Variants in SULF1 observed in about 807,000 individuals in gnomAD.
SULF1 encodes sulfatase 1.
In SULF1, 46 loss-of-function variants were observed where a neutral mutation model predicts 110.5. That is an observed-to-expected ratio of 0.42 (90% CI 0.33 to 0.53). The LOEUF (loss-of-function observed/expected upper bound fraction) is 0.53. Ranked by LOEUF, SULF1 falls within the 20% of genes least tolerant of loss-of-function variation. The probability of loss-of-function intolerance (pLI) is 0.12; values close to 1 mark genes in which losing one functional copy is unlikely to be tolerated. For synonymous variants in SULF1, 371 were observed against 387.1 expected, an observed-to-expected ratio of 0.96 and a Z score of 0.49; for missense variants, 941 against 1,094.2, an observed-to-expected ratio of 0.86 and a Z score of 1.98.
chr8:69,474,465 C>T (rs1415012099), intron 1 of SULF1, among the ~76,000 whole-genome samples: 5 of 152,124 alleles, frequency 3.3e-5, no homozygotes, highest in Admixed American at 6.6e-5. Context: ...TGTGCTTTAC[C>T]GTGCATCCAG....
At chr8:69,569,335 A>G (rs1367971942) in intron 5 of SULF1, among the ~76,000 whole-genome samples, 1 of 152,218 alleles carries the variant, frequency 6.6e-6, no homozygotes, top group Non-Finnish European at 1.5e-5. Context: ...AATTAAGCCA[A>G]TATTTTAAAA....
intron 14 of SULF1, among the ~76,000 whole-genome samples, chr8:69,622,749 G>A (rs574514901): frequency 1.3e-5 from 2 of 152,264 alleles, no homozygotes; most frequent in East Asian, 3.9e-4. Context: ...TTCAGTATTA[G>A]GCACAAACAC....
intron 15 of SULF1, among the ~76,000 whole-genome samples, chr8:69,624,714 A>G (rs1809864026): frequency 6.6e-6 from 1 of 152,224 alleles, no homozygotes; most frequent in South Asian, 2.1e-4. Flanking sequence ...TTACAAATGG[A>G]TGTAAGACAT....
At chr8:69,541,312 C>T (rs1813839810) in intron 3 of SULF1, among the ~76,000 whole-genome samples, 1 of 152,198 alleles carries the variant, frequency 6.6e-6, no homozygotes, top group South Asian at 2.1e-4. Context: ...GCAAAGGCAA[C>T]ATGGCACTTC....
chr8:69,552,975 C>T (rs774272574), intron 3 of SULF1, among the ~76,000 whole-genome samples: 3 of 152,200 alleles, frequency 2.0e-5, no homozygotes, highest in African/African-American at 7.2e-5. Context: ...CCCTTGTTAC[C>T]TACACAGGGA....
Position 69,467,610 on chromosome 8 carries a change from C to T in SULF1, c.-391+660C>T, listed in dbSNP as rs552682343. 1.2e-3 allele frequency among the ~76,000 whole-genome samples: 182 copies of T among 152,322 alleles called. 1 individual carries two copies. Among genetic ancestry groups the T allele is most frequent in the African/African-American group, 4.2e-3 (176 of 41,576 alleles). ...GCTCTTTAACATAGCCCTCTTGCAG[C>T]TGCAGGGAAAGCAGATGGAGGTAAT... is the stretch of plus-strand genomic sequence containing the variant. On this transcript the variant is annotated intron_variant, in intron 1 of 22. Transcript: ENST00000260128.
intron 22 of SULF1, among the ~76,000 whole-genome samples, chr8:69,643,045 A>C (rs1266867042): frequency 2.6e-5 from 4 of 152,208 alleles, no homozygotes; most frequent in Non-Finnish European, 5.9e-5. Flanking sequence ...AGCAGATCTA[A>C]GGATACTGTG....
rs1812991739 is a variant in SULF1 at position 69,530,241 on chromosome 8, G to A, written c.-134+28273G>A. ...TGTCACTAAACGTCAGGCTCACCAG[G>A]ATAGTCAAACATCAGGCTCTTTGAG... On this transcript the variant is annotated intron_variant, in intron 3 of 22. Coordinates refer to ENST00000402687, the MANE Select transcript of SULF1 (RefSeq NM_001128205.2). Among the ~76,000 whole-genome samples, 4 of 152,164 alleles carry A rather than the reference G, an allele frequency of 2.6e-5. No homozygotes were observed. In the South Asian group the frequency reaches 8.3e-4, roughly 32 times the overall value.
intron 18 of SULF1, among the ~76,000 whole-genome samples, chr8:69,628,498 G>A (rs1810273051): frequency 1.3e-5 from 2 of 152,172 alleles, no homozygotes; most frequent in South Asian, 4.1e-4. Flanking sequence ...TGGCAGATGG[G>A]ACCAGTAACT....
intron 19 of SULF1, among the ~76,000 whole-genome samples, chr8:69,635,238 G>A (rs1267777420): frequency 6.6e-6 from 1 of 152,214 alleles, no homozygotes; most frequent in African/African-American, 2.4e-5. Flanking sequence ...ATGTCATCAT[G>A]CATTGTCCAA....
chr8:69,654,503 C>A (rs1243721353), intron 22 of SULF1, among the ~76,000 whole-genome samples: 1 of 152,234 alleles, frequency 6.6e-6, no homozygotes, highest in Non-Finnish European at 1.5e-5. Flanking sequence ...GGTGAAGGCA[C>A]AACCTGCCCT....
At chr8:69,529,453 A>G (rs1812936951) in intron 3 of SULF1, among the ~76,000 whole-genome samples, 1 of 152,182 alleles carries the variant, frequency 6.6e-6, no homozygotes, top group South Asian at 2.1e-4. Flanking sequence ...TTAGAAACTT[A>G]TTGTATTAAT....
At chr8:69,619,051 C>T (rs1382015332) in intron 13 of SULF1, among the ~76,000 whole-genome samples, 1 of 152,152 alleles carries the variant, frequency 6.6e-6, no homozygotes, top group African/African-American at 2.4e-5. Flanking sequence ...CATGGAAGAA[C>T]ATCTTTTATT....
At chr8:69,491,144 C>A (rs537635605), upstream of SULF1, among the ~76,000 whole-genome samples, 1 of 152,222 alleles carries the variant, frequency 6.6e-6, no homozygotes, top group African/African-American at 2.4e-5. Flanking sequence ...TAAATGACAC[C>A]ACGGTCGATC....
At chr8:69,475,440 A>G (rs1809261259) in intron 1 of SULF1, among the ~76,000 whole-genome samples, 1 of 152,096 alleles carries the variant, frequency 6.6e-6, no homozygotes, top group Non-Finnish European at 1.5e-5. Flanking sequence ...GTCTATTCCC[A>G]TCGACGCAGT....
intron 13 of SULF1, among the ~76,000 whole-genome samples, chr8:69,620,635 G>A (rs1328404550): frequency 6.6e-6 from 1 of 152,180 alleles, no homozygotes; most frequent in East Asian, 1.9e-4. Flanking sequence ...GGAGAACAAA[G>A]CAGCCAAGTT....
intron 13 of SULF1, among the ~76,000 whole-genome samples, chr8:69,607,633 GGATT>G (rs1271391764): frequency 5.3e-5 from 8 of 152,176 alleles, no homozygotes; most frequent in Admixed American, 4.6e-4. Context: ...CAAAGTGCTG[GGATT>G]ACAGGAGCGA....
intron 3 of SULF1, among the ~76,000 whole-genome samples, chr8:69,526,831 A>AAGGAAGGAAGGAAGGG: frequency 6.9e-6 from 1 of 144,040 alleles, no homozygotes; most frequent in African/African-American, 2.7e-5. Flanking sequence ...GGAAGGAAGG[A>AAGGAAGGAAGGAAGGG]AGGAAGGAAG....
At position 69,603,096 on chromosome 8, in the gene SULF1, T is replaced by C; in HGVS notation, c.1062-96T>C. The C allele has an allele frequency of 2.6e-6, 4 of 1,544,394 alleles. No homozygotes were observed. The South Asian group carries it at 4.7e-5, about 18-fold the overall frequency. On this transcript the variant is annotated intron_variant, in intron 10 of 22. Transcript: ENST00000402687. ...AGACCAGATGAGAGGGTGAGAAGAG[T>C]TGAAGGCCAATGAGTCACTGCTGTA...
Sources: gnomAD v4.1 joint callset for allele counts (sites outside exome capture counted in the v4.1 genomes callset) on GRCh38, gnomAD v4.1.1 for gene constraint, MANE v1.5 for transcripts, NCBI Gene and HGNC (gene_info 2026-07-23, HGNC 2026-07-21) for gene names.